CTNNA3: variants seen among roughly 807,000 people sequenced by gnomAD.
CTNNA3 encodes catenin alpha-3.
A neutral mutation model predicts 95.7 loss-of-function variants in CTNNA3; 76 were observed. The ratio of observed to expected loss-of-function variants is 0.79; its 90% CI spans 0.66 to 0.96. The LOEUF (loss-of-function observed/expected upper bound fraction) is 0.96. Ranked by LOEUF, CTNNA3 falls within the 40% of genes least tolerant of loss-of-function variation. The pLI is 0.00. For synonymous variants in CTNNA3, 431 were observed against 374.4 expected (o/e 1.15, Z -1.74); for missense variants, 1,191 against 1,089.8 (o/e 1.09, Z -1.31).
intron 3 of CTNNA3, among the ~76,000 whole-genome samples, chr10:67,565,874 T>C (rs1315002914): frequency 7.5e-6 from 1 of 134,110 alleles, no homozygotes; most frequent in Non-Finnish European, 1.6e-5. Context: ...GAAGCCAATA[T>C]ATAAAAAAGA....
chr10:66,119,460 C>G (rs1362306512), intron 13 of CTNNA3, among the ~76,000 whole-genome samples: 1 of 152,152 alleles, frequency 6.6e-6, no homozygotes, highest in African/African-American at 2.4e-5. Context: ...CTAAAGTGAA[C>G]AGCAGAGTAC....
chr10:67,579,837 C>A lies in CTNNA3; in HGVS notation c.292+27020G>T, dbSNP rs571310069. 5.3e-4 allele frequency among the ~76,000 whole-genome samples: 81 copies of A among 152,294 alleles called. No homozygotes were observed. In the Middle Eastern group the frequency reaches 0.014, roughly 26 times the overall value. On this transcript the variant is annotated intron_variant, in intron 3 of 17. Transcript: ENST00000433211. ...GAGCATTTTTTCATGTGTCTGTTGGCTGCATAAATGTCTTCTTTTGAGAAG... is the reference window on the plus strand; with the variant it reads ...GAGCATTTTTTCATGTGTCTGTTGGATGCATAAATGTCTTCTTTTGAGAAG...
chr10:66,614,786 T>C (rs535830865), intron 10 of CTNNA3, among the ~76,000 whole-genome samples: 26 of 152,080 alleles, frequency 1.7e-4, no homozygotes, highest in African/African-American at 6.0e-4. Flanking sequence ...TTGGAAAACT[T>C]GACTTATTTT....
intron 1 of CTNNA3, among the ~76,000 whole-genome samples, chr10:67,703,464 G>A (rs994335883): frequency 5.9e-5 from 9 of 152,112 alleles, no homozygotes; most frequent in Non-Finnish European, 1.2e-4. Context: ...TGCAAGGCTG[G>A]TTCAATATAC....
chr10:65,944,882 ATCT>A, intron 17 of CTNNA3, among the ~76,000 whole-genome samples: 1 of 147,934 alleles, frequency 6.8e-6, no homozygotes, highest in Non-Finnish European at 1.5e-5. Flanking sequence ...CTATCTATCT[ATCT>A]ATCTATCTAT....
At chr10:66,320,594 C>T (rs2092168486) in intron 12 of CTNNA3, among the ~76,000 whole-genome samples, 2 of 152,102 alleles carry the variant, frequency 1.3e-5, no homozygotes, top group Non-Finnish European at 2.9e-5. Flanking sequence ...GTCTTCGTAT[C>T]ACTAGGACTT....
At chr10:67,068,620 A>G (rs1242920800) in intron 7 of CTNNA3, among the ~76,000 whole-genome samples, 1 of 152,236 alleles carries the variant, frequency 6.6e-6, no homozygotes. Context: ...AAAAAAGACA[A>G]GAAGAAAATG....
intron 13 of CTNNA3, among the ~76,000 whole-genome samples, chr10:66,111,406 G>A (rs998416203): frequency 6.6e-6 from 1 of 152,162 alleles, no homozygotes; most frequent in African/African-American, 2.4e-5. Flanking sequence ...ATAGGAATGT[G>A]AGAACAAATA....
rs763257801 is a variant in CTNNA3 at position 67,539,564 on chromosome 10, G to C, written c.398C>G (p.Thr133Arg). The C allele has an allele frequency of 5.0e-6, 8 of 1,613,784 alleles. No homozygotes were observed. The highest frequency in any genetic ancestry group is 5.9e-6 in the Non-Finnish European group (7 of 1,179,802). ...CATGTCCGCAAGGATAAGGAGTCTCGTCACCGCAGCCAGCAAGGCACGGGC... is the reference window on the plus strand; with the variant it reads ...CATGTCCGCAAGGATAAGGAGTCTCCTCACCGCAGCCAGCAAGGCACGGGC... Reference protein sequence around the residue: ...QAARALLAAVTRLLILADMID... With the variant: ...QAARALLAAVRRLLILADMID... The change falls in exon 4 of 18, where the codon ACG (threonine) becomes AGG (arginine). Residue 133 changes from threonine (T) to arginine (R), a missense_variant. By Grantham distance (71) the Thr-to-Arg change is moderately conservative. Transcript: ENST00000433211.
chr10:67,510,387 G>A (rs1839575527), intron 5 of CTNNA3, among the ~76,000 whole-genome samples: 1 of 151,344 alleles, frequency 6.6e-6, no homozygotes, highest in African/African-American at 2.4e-5. Flanking sequence ...AAGGGATCCA[G>A]TTTCAGCTTT....
intron 14 of CTNNA3, among the ~76,000 whole-genome samples, chr10:66,073,128 G>A (rs1479892096): frequency 2.0e-5 from 3 of 152,044 alleles, no homozygotes; most frequent in African/African-American, 4.8e-5. Flanking sequence ...GGGTAGTGGG[G>A]GAGGGGGTTT....
intron 14 of CTNNA3, among the ~76,000 whole-genome samples, chr10:66,101,175 A>G (rs899134772): frequency 3.9e-5 from 6 of 152,192 alleles, no homozygotes; most frequent in African/African-American, 1.4e-4. Flanking sequence ...ATAAGATGTG[A>G]TCTCTACCAA....
At chr10:66,454,752 G>A (rs952332283) in intron 11 of CTNNA3, among the ~76,000 whole-genome samples, 1 of 136,190 alleles carries the variant, frequency 7.3e-6, no homozygotes, top group Non-Finnish European at 1.5e-5. Context: ...TGATATCAAA[G>A]CCAAAGATAG....
intron 9 of CTNNA3, 35 bp downstream of exon 9, chr10:66,766,229 T>C (rs1839845677): frequency 1.2e-6 from 2 of 1,603,684 alleles, no homozygotes; most frequent in African/African-American, 1.3e-5. Flanking sequence ...CTCATTCTCC[T>C]GGACTTTAGT....
chr10:66,461,399 C>T (rs912223123), intron 11 of CTNNA3, among the ~76,000 whole-genome samples: 1 of 152,026 alleles, frequency 6.6e-6, no homozygotes, highest in Non-Finnish European at 1.5e-5. Context: ...TTATTCATAG[C>T]TATTATAAAT....
At chr10:66,645,090 C>T (rs1845659967) in intron 9 of CTNNA3, among the ~76,000 whole-genome samples, 1 of 151,948 alleles carries the variant, frequency 6.6e-6, no homozygotes, top group East Asian at 1.9e-4. Flanking sequence ...ACAGTTTATT[C>T]CTTTTTATTG....
intron 5 of CTNNA3, among the ~76,000 whole-genome samples, chr10:67,517,509 T>C (rs901060883): frequency 3.3e-5 from 5 of 151,606 alleles, no homozygotes; most frequent in Admixed American, 6.6e-5. Flanking sequence ...CCCAGTTTAG[T>C]AAAAGAAAAA....
At chr10:67,510,865 C>T (rs1003182484) in intron 5 of CTNNA3, among the ~76,000 whole-genome samples, 6 of 152,014 alleles carry the variant, frequency 3.9e-5, no homozygotes, top group African/African-American at 1.4e-4. Flanking sequence ...CCTCTTATTT[C>T]CTTGAGCAGT....
intron 7 of CTNNA3, among the ~76,000 whole-genome samples, chr10:67,146,845 A>G (rs1860869512): frequency 6.6e-6 from 1 of 152,220 alleles, no homozygotes; most frequent in Non-Finnish European, 1.5e-5. Context: ...AGATTATAAT[A>G]ACATTTTTAC....
Sources: allele counts gnomAD v4.1 joint callset (sites outside exome capture counted in the v4.1 genomes callset), GRCh38; gene constraint gnomAD v4.1.1; transcripts MANE v1.5; gene names NCBI Gene and HGNC (gene_info 2026-07-23, HGNC 2026-07-21).